Variants in IGSF5 observed in about 807,000 individuals in gnomAD.
The protein encoded by IGSF5 is immunoglobulin superfamily 5 like.
A neutral mutation model predicts 39.4 loss-of-function variants in IGSF5; 41 were observed. That is an observed-to-expected ratio of 1.04 (90% CI 0.81 to 1.35). The LOEUF is 1.35. IGSF5 is among the 40% of genes most tolerant of loss of function. IGSF5 has a pLI of 0.00. For missense variants in IGSF5, 487 were observed against 494.6 expected (o/e 0.98, Z 0.15); for synonymous variants, 183 against 175.3 (o/e 1.04, Z -0.34).
intron 8 of IGSF5, among the ~76,000 whole-genome samples, chr21:39,795,415 GT>G (rs2086990573): frequency 1.3e-5 from 2 of 152,038 alleles, no homozygotes; most frequent in African/African-American, 4.8e-5. Flanking sequence ...CCCTTCCGTG[GT>G]TATCTTTGTC....
At chr21:39,740,765 G>A (rs952367356), upstream of IGSF5, among the ~76,000 whole-genome samples, 4 of 152,200 alleles carry the variant, frequency 2.6e-5, no homozygotes, top group Admixed American at 2.0e-4. Flanking sequence ...TGGAAGAAAT[G>A]TGTCCAGGTT....
chr21:39,760,244 T>C (rs559747041), intron 2 of IGSF5, among the ~76,000 whole-genome samples: 1 of 152,320 alleles, frequency 6.6e-6, no homozygotes, highest in African/African-American at 2.4e-5. Flanking sequence ...CACTGAGTAG[T>C]TGTTATGGAT....
At chr21:39,760,180 G>A (rs1035973180) in intron 2 of IGSF5, among the ~76,000 whole-genome samples, 1 of 152,032 alleles carries the variant, frequency 6.6e-6, no homozygotes, top group Non-Finnish European at 1.5e-5. Flanking sequence ...CATTCCTACT[G>A]TATAATGGGT....
At chr21:39,733,417 A>G in the IGSF5 span, among the ~76,000 whole-genome samples, 1 of 152,236 alleles carries the variant, frequency 6.6e-6, no homozygotes, top group Non-Finnish European at 1.5e-5. Context: ...ATAGGTGTCC[A>G]AGTAAAATGC....
the IGSF5 span, among the ~76,000 whole-genome samples, chr21:39,739,444 C>T: frequency 1.3e-5 from 2 of 152,050 alleles, no homozygotes; most frequent in African/African-American, 2.4e-5. Context: ...TCCGTTTTTG[C>T]CTAATTAGCA....
intron 2 of IGSF5, among the ~76,000 whole-genome samples, chr21:39,752,356 T>A (rs1051954972): frequency 3.7e-4 from 56 of 149,480 alleles, no homozygotes; most frequent in African/African-American, 1.3e-3. Flanking sequence ...CCTTTTTTTT[T>A]ATGACTAAGT....
chr21:39,718,414 C>A, the IGSF5 span, among the ~76,000 whole-genome samples: 2 of 152,082 alleles, frequency 1.3e-5, no homozygotes, highest in Non-Finnish European at 2.9e-5. Context: ...AGAGGGTATT[C>A]TTGTCTTGTG....
At chr21:39,735,316 T>A in the IGSF5 span, among the ~76,000 whole-genome samples, 3 of 152,204 alleles carry the variant, frequency 2.0e-5, no homozygotes, top group Non-Finnish European at 4.4e-5. Context: ...GTATCACTTT[T>A]ATAATAAAGA....
Position 39,783,974 on chromosome 21 carries a change from C to T in IGSF5, c.935-4193C>T, listed in dbSNP as rs544268012. Among the ~76,000 whole-genome samples, 4 of 152,284 alleles carry T rather than the reference C, an allele frequency of 2.6e-5. No homozygotes were observed. The South Asian group carries it at 8.3e-4, about 32-fold the overall frequency. Reference sequence around the variant, plus strand: ...GTATATGGATATCCAGTTTTCTCAGCACCGTGTATTGAAGAGGCAGCCTTT... The same window carrying T: ...GTATATGGATATCCAGTTTTCTCAGTACCGTGTATTGAAGAGGCAGCCTTT... On this transcript the variant is annotated intron_variant, in intron 5 of 8. Coordinates refer to ENST00000380588, the MANE Select transcript of IGSF5 (RefSeq NM_001080444.2).
the IGSF5 span, among the ~76,000 whole-genome samples, chr21:39,735,971 C>A: frequency 6.6e-6 from 1 of 152,196 alleles, no homozygotes; most frequent in Non-Finnish European, 1.5e-5. Context: ...CCTTTTTACA[C>A]CTGAAGATAA....
chr21:39,761,462 T>C (rs981983844), intron 2 of IGSF5, among the ~76,000 whole-genome samples: 4 of 152,142 alleles, frequency 2.6e-5, no homozygotes, highest in Non-Finnish European at 5.9e-5. Flanking sequence ...ACAGAGTAAA[T>C]GGATAGCCTA....
the IGSF5 span, among the ~76,000 whole-genome samples, chr21:39,713,543 TGCCGG>T: frequency 1.3e-5 from 2 of 152,204 alleles, no homozygotes; most frequent in African/African-American, 4.8e-5. Context: ...CACTAGGGCC[TGCCGG>T]GCTGTATGGG....
Position 39,801,597 on chromosome 21 carries a change from A to G in IGSF5, c.*240A>G. The G allele has an allele frequency of 5.3e-6, 2 of 377,234 alleles. No individual in the cohort carries two copies. The highest frequency in any genetic ancestry group is 9.5e-6 in the Non-Finnish European group (2 of 209,744). The allele number at this position is 377,234 out of a possible 1,614,324, so 23.4% of individuals were successfully genotyped here. ...TTTTGTGAATTCCATGAAGTTACTAAGTAAAAGCTGCAAATTCATCATAAT... is the reference window on the plus strand; with the variant it reads ...TTTTGTGAATTCCATGAAGTTACTAGGTAAAAGCTGCAAATTCATCATAAT... On this transcript the variant is annotated 3_prime_UTR_variant, in exon 9 of 9. Coordinates refer to ENST00000380588, the MANE Select transcript of IGSF5 (RefSeq NM_001080444.2).
intron 6 of IGSF5, among the ~76,000 whole-genome samples, chr21:39,791,306 T>C (rs2837223): frequency 0.37 from 55,714 of 152,040 alleles, 10,700 homozygotes; most frequent in Admixed American, 0.47. Flanking sequence ...TGCAGTTTGC[T>C]TTTATAAATA....
At chr21:39,790,299 G>A (rs1409224291) in intron 6 of IGSF5, among the ~76,000 whole-genome samples, 3 of 152,138 alleles carry the variant, frequency 2.0e-5, no homozygotes, top group Admixed American at 2.0e-4. Flanking sequence ...GGGCACATAT[G>A]CAATTTATTT....
At chr21:39,728,259 G>T in the IGSF5 span, among the ~76,000 whole-genome samples, 1 of 152,162 alleles carries the variant, frequency 6.6e-6, no homozygotes, top group East Asian at 1.9e-4. Context: ...TTAAGCTGAG[G>T]TTAGGCTGGA....
chr21:39,738,836 T>C, the IGSF5 span, among the ~76,000 whole-genome samples: 3 of 152,050 alleles, frequency 2.0e-5, no homozygotes, highest in East Asian at 3.9e-4. This position sits in a 1 kb window ranked among gnomAD's most constrained non-coding sequence, Gnocchi z 6.4. Flanking sequence ...TGAGGGTACA[T>C]CTTCACAAGG....
chr21:39,733,225 AT>A, the IGSF5 span, among the ~76,000 whole-genome samples: 2 of 152,166 alleles, frequency 1.3e-5, no homozygotes, highest in African/African-American at 4.8e-5. Flanking sequence ...CTTATGATGT[AT>A]TTAAAATGAT....
At chr21:39,748,675 T>A (rs1031025752) in intron 2 of IGSF5, among the ~76,000 whole-genome samples, 3 of 151,974 alleles carry the variant, frequency 2.0e-5, no homozygotes, top group African/African-American at 7.2e-5. Context: ...ACATTGGGAG[T>A]GAGGGCTTCA....
Sources: allele counts gnomAD v4.1 joint callset (sites outside exome capture counted in the v4.1 genomes callset), GRCh38; gene constraint gnomAD v4.1.1; non-coding constraint Gnocchi (gnomAD v3.1); transcripts MANE v1.5; gene names NCBI Gene and HGNC (gene_info 2026-07-23, HGNC 2026-07-21).